The following RUFY1 variants were observed in gnomAD, a reference collection of about 807,000 sequenced individuals.
RUFY1 encodes the protein RUN and FYVE domain containing 1, also known as RUN and FYVE domain-containing protein 1.
Under a neutral mutation model 94.6 loss-of-function variants are expected in RUFY1, and 54 were observed. That is an observed-to-expected ratio of 0.57 (90% CI 0.46 to 0.72). RUFY1 has a LOEUF of 0.72. RUFY1 is among the 30% of genes least tolerant of loss of function. The probability of loss-of-function intolerance (pLI) is 0.00; values close to 1 mark genes in which losing one functional copy is unlikely to be tolerated. For synonymous variants in RUFY1, 396 were observed against 347.3 expected (o/e 1.14, Z -1.56); for missense variants, 883 against 883.9 (o/e 1.00, Z 0.01).
At chr5:179,592,565 T>C (rs1252387307) in intron 10 of RUFY1, among the ~76,000 whole-genome samples, 1 of 152,170 alleles carries the variant, frequency 6.6e-6, no homozygotes, top group Non-Finnish European at 1.5e-5. Flanking sequence ...TTATAAATCT[T>C]TACAGGGATT....
intron 8 of RUFY1, 122 bp from the exon 9 acceptor site, chr5:179,589,424 G>T: frequency 1.5e-6 from 1 of 661,672 alleles, no homozygotes. Context: ...TGAAAACAAG[G>T]AAATAAAATA....
chr5:179,572,894 TATGTGTAAAAA>T (rs1322522519), intron 5 of RUFY1, among the ~76,000 whole-genome samples: 4 of 152,210 alleles, frequency 2.6e-5, no homozygotes, highest in African/African-American at 9.7e-5. Flanking sequence ...TTACACACTT[TATGTGTAAAAA>T]ATGTGTAAAT....
intron 1 of RUFY1, among the ~76,000 whole-genome samples, chr5:179,551,863 G>T (rs891724021): frequency 1.3e-5 from 2 of 148,452 alleles, no homozygotes; most frequent in African/African-American, 4.9e-5. Flanking sequence ...CTTTTAAATT[G>T]AATTAAAAAT....
At chr5:179,604,283 G>A (rs529345389) in intron 15 of RUFY1, among the ~76,000 whole-genome samples, 2 of 152,202 alleles carry the variant, frequency 1.3e-5, no homozygotes, top group South Asian at 4.1e-4. Flanking sequence ...TATACCGGAT[G>A]ACAGAGATGG....
At chr5:179,559,703 C>CG in intron 1 of RUFY1, 2 of 1,054,964 alleles carry the variant, frequency 1.9e-6, no homozygotes, top group Non-Finnish European at 2.3e-6. Flanking sequence ...AAAATGGAAC[C>CG]GGGGTTGCGG....
At chr5:179,565,455 A>G (rs1339323714) in intron 3 of RUFY1, among the ~76,000 whole-genome samples, 1 of 152,146 alleles carries the variant, frequency 6.6e-6, no homozygotes, top group Admixed American at 6.6e-5. Flanking sequence ...CTGGGATTAC[A>G]GGTGTGAGCC....
At chr5:179,589,795 G>GC in intron 9 of RUFY1, 148 bp downstream of exon 9, 1 of 676,700 alleles carries the variant, frequency 1.5e-6, no homozygotes, top group Non-Finnish European at 2.7e-6. Context: ...TGCGGTCCCT[G>GC]CCCACATCAC....
intron 8 of RUFY1, among the ~76,000 whole-genome samples, chr5:179,587,813 C>G: frequency 6.6e-6 from 1 of 151,846 alleles, no homozygotes; most frequent in Non-Finnish European, 1.5e-5. Context: ...GGAAGACTTG[C>G]TTCAGCCCAG....
chr5:179,580,909 TA>T (rs761601426), intron 6 of RUFY1, 37 bp from the exon 7 acceptor site: 97 of 1,183,540 alleles, frequency 8.2e-5, no homozygotes, highest in Non-Finnish European at 1.0e-4. Flanking sequence ...TAACCATTAA[TA>T]AAAAAAAGTT....
In RUFY1 at chr5:179,574,438, T is replaced by G. The variant is rs1008611893; in HGVS notation, c.829-2637T>G. On this transcript the variant is annotated intron_variant, in intron 5 of 17. Coordinates refer to ENST00000319449, the MANE Select transcript of RUFY1 (RefSeq NM_025158.5). ...AATAAAATAAACTGGAAAATAGCCT[T>G]CCTTTTCTTGTTTTCTACCGCAGCT... Among the ~76,000 whole-genome samples, 5 of 152,138 alleles carry G rather than the reference T, an allele frequency of 3.3e-5. 1 individual carries two copies. The highest frequency in any genetic ancestry group is 6.3e-3 in the Middle Eastern group (2 of 316).
rs775434814 is a variant in RUFY1, at chr5:179,562,646, G to C, written c.584G>C (p.Arg195Thr). Residue 195 changes from arginine to threonine, a missense_variant, in exon 3 of 18, where the codon AGA (arginine) becomes ACA (threonine). Transcript: ENST00000319449. The stretch of plus-strand genomic sequence containing the variant: ...GCATCAGATATAGCGACTAGTGTCA[G>C]AAATCTTCCAGAATTAAAGTGAGTG... ...PEASDIATSVRNLPELKTAVG... is the reference protein window; with the variant it reads ...PEASDIATSVTNLPELKTAVG... 6.4e-6 allele frequency: 10 copies of C among 1,574,390 alleles called. No individual in the cohort carries two copies. Among genetic ancestry groups the C allele is most frequent in the Non-Finnish European group, 8.7e-7 (1 of 1,144,256 alleles).
chr5:179,586,523 T>A (rs1342970193), intron 8 of RUFY1: 1 of 444,070 alleles, frequency 2.3e-6, no homozygotes, highest in Admixed American at 2.5e-5. Flanking sequence ...GGACAAGGGC[T>A]CTGAGAGGGG....
chr5:179,572,186 C>A, intron 5 of RUFY1: 1 of 305,044 alleles, frequency 3.3e-6, no homozygotes. Flanking sequence ...GCTCGGAAAG[C>A]CAGCCCCTGA....
At chr5:179,602,050 G>A in intron 15 of RUFY1, 64 bp downstream of exon 15, 2 of 1,353,528 alleles carry the variant, frequency 1.5e-6, no homozygotes, top group African/African-American at 2.9e-5. Flanking sequence ...ACATCCCTCA[G>A]GCCCCAAACC....
At chr5:179,558,343 C>T (rs559870273) in intron 1 of RUFY1, among the ~76,000 whole-genome samples, 3 of 152,216 alleles carry the variant, frequency 2.0e-5, no homozygotes, top group East Asian at 1.9e-4. Flanking sequence ...GATGCCAAGG[C>T]GGGCGGATCA....
intron 15 of RUFY1, among the ~76,000 whole-genome samples, chr5:179,604,867 C>T (rs893014420): frequency 1.3e-5 from 2 of 151,564 alleles, no homozygotes; most frequent in Non-Finnish European, 2.9e-5. Flanking sequence ...GCCTGTCATC[C>T]CAGCTACTTG....
chr5:179,570,433 C>T (rs1484957177), intron 5 of RUFY1, among the ~76,000 whole-genome samples: 13 of 152,108 alleles, frequency 8.5e-5, no homozygotes, highest in Admixed American at 7.2e-4. Context: ...GATAAAATGG[C>T]ACAAAGGAGA....
intron 10 of RUFY1, among the ~76,000 whole-genome samples, chr5:179,592,469 G>T (rs1376825891): frequency 1.3e-5 from 2 of 151,790 alleles, no homozygotes; most frequent in Non-Finnish European, 2.9e-5. Flanking sequence ...GGGCAGGCTG[G>T]TCTTGAACTC....
Position 179,593,374 on chromosome 5 carries a change from C to T in RUFY1, c.1246-104C>T, listed in dbSNP as rs1249229916. 4.0e-5 allele frequency: 55 copies of T among 1,365,166 alleles called. 1 individual carries two copies. In the South Asian group the frequency reaches 6.9e-4, roughly 17 times the overall value. 84.6% of individuals were successfully genotyped at this position (1,365,166 alleles called of 1,614,324 possible). A position where few individuals can be genotyped will look rare whatever the true frequency, so the allele number is the denominator to read the frequency against. Reference sequence around the variant, plus strand: ...GATTACAGGCATGAGCCACCACACCCAGCCTTCAGTTTGTATTTTAAGCAT... The same window carrying T: ...GATTACAGGCATGAGCCACCACACCTAGCCTTCAGTTTGTATTTTAAGCAT... On this transcript the variant is annotated intron_variant, in intron 10 of 17. Coordinates refer to ENST00000319449, the MANE Select transcript of RUFY1 (RefSeq NM_025158.5).
Sources: gnomAD v4.1 joint callset for allele counts (sites outside exome capture counted in the v4.1 genomes callset) on GRCh38, gnomAD v4.1.1 for gene constraint, MANE v1.5 for transcripts, NCBI Gene and HGNC (gene_info 2026-07-23, HGNC 2026-07-21) for gene names.